GRIK2: variants seen among roughly 807,000 people sequenced by gnomAD.
The protein encoded by GRIK2 is glutamate receptor ionotropic, kainate 2.
A neutral mutation model predicts 100.3 loss-of-function variants in GRIK2; 32 were observed. That is an observed-to-expected ratio of 0.32 (90% CI 0.24 to 0.43). GRIK2 has a LOEUF of 0.43. GRIK2 is among the 20% of genes least tolerant of loss of function. The probability of loss-of-function intolerance (pLI) is 1.00; values close to 1 mark genes in which losing one functional copy is unlikely to be tolerated. For synonymous variants in GRIK2, 417 were observed against 389.4 expected (o/e 1.07, Z -0.83); for missense variants, 843 against 1,114.9 (o/e 0.76, Z 3.47).
At chr6:101,876,550 C>T (rs1785863085) in intron 11 of GRIK2, among the ~76,000 whole-genome samples, 1 of 151,156 alleles carries the variant, frequency 6.6e-6, no homozygotes, top group Admixed American at 6.6e-5. Context: ...CATTCAGGGC[C>T]CACTTATTCT....
chr6:101,483,510 T>C (rs974213642), intron 2 of GRIK2, among the ~76,000 whole-genome samples: 1 of 152,196 alleles, frequency 6.6e-6, no homozygotes, highest in Non-Finnish European at 1.5e-5. Flanking sequence ...TTAAAACTTA[T>C]CTAACTGAAA....
intron 2 of GRIK2, among the ~76,000 whole-genome samples, chr6:101,566,928 C>A (rs1777305277): frequency 6.7e-6 from 1 of 149,786 alleles, no homozygotes. Context: ...CATACATTTT[C>A]TATAATAGAC....
At chr6:101,916,844 T>C (rs1168286082) in intron 12 of GRIK2, among the ~76,000 whole-genome samples, 1 of 151,684 alleles carries the variant, frequency 6.6e-6, no homozygotes, top group Non-Finnish European at 1.5e-5. Context: ...CAATAGTTTA[T>C]TATTTAAATT....
At chr6:101,699,082 T>C (rs1562318863) in intron 7 of GRIK2, among the ~76,000 whole-genome samples, 1 of 152,138 alleles carries the variant, frequency 6.6e-6, no homozygotes, top group South Asian at 2.1e-4. Context: ...TCAGCACATA[T>C]GTACTCTATT....
At position 101,783,942 on chromosome 6, in the gene GRIK2, G is replaced by A. The variant is rs140865014; in HGVS notation, c.952-15706G>A. On this transcript the variant is annotated intron_variant, in intron 7 of 16. Coordinates refer to ENST00000369134, the MANE Select transcript of GRIK2 (RefSeq NM_021956.5). ...ATTCAGTTATATACATTCACAAATA[G>A]ATGGTTTGAAATTGGATCTTATGTT... is the stretch of plus-strand genomic sequence containing the variant. 8.5e-5 allele frequency among the ~76,000 whole-genome samples: 13 copies of A among 152,320 alleles called. No individual in the cohort carries two copies. In the East Asian group the frequency reaches 2.3e-3, roughly 27 times the overall value.
chr6:101,904,694 A>T (rs1430512645), intron 12 of GRIK2, among the ~76,000 whole-genome samples: 2 of 151,554 alleles, frequency 1.3e-5, no homozygotes, highest in African/African-American at 4.8e-5. Flanking sequence ...CTGTCAAATC[A>T]TAATTTGGAA....
At chr6:102,041,946 C>A (rs1562132767) in intron 15 of GRIK2, among the ~76,000 whole-genome samples, 1 of 151,420 alleles carries the variant, frequency 6.6e-6, no homozygotes, top group Non-Finnish European at 1.5e-5. Context: ...ATTAGTATGA[C>A]CCACTGTTAA....
At chr6:101,752,555 T>C (rs1776859607) in intron 7 of GRIK2, among the ~76,000 whole-genome samples, 1 of 152,246 alleles carries the variant, frequency 6.6e-6, no homozygotes, top group East Asian at 1.9e-4. Flanking sequence ...AGAGTTTATT[T>C]TGATAATTCC....
intron 8 of GRIK2, among the ~76,000 whole-genome samples, chr6:101,800,381 C>T (rs943239076): frequency 2.0e-5 from 3 of 151,734 alleles, no homozygotes; most frequent in African/African-American, 7.2e-5. Flanking sequence ...TACATACATA[C>T]ATATATACAT....
In GRIK2 at chr6:102,068,484, G is replaced by T; in HGVS notation, c.2700G>T (p.Arg900Ser). Reference sequence around the variant, plus strand: ...ACATGCACACATTTAACGACAGAAGGTTGCCAGGTAAAGAAACCATGGCAT... The same window carrying T: ...ACATGCACACATTTAACGACAGAAGTTTGCCAGGTAAAGAAACCATGGCAT... ...VINMHTFNDR[R>S]LPGKETMA Residue 900 changes from arginine (R) to serine (S), a missense_variant, in exon 17 of 17, where the codon AGG becomes AGT. By Grantham distance (110) the Arg-to-Ser change is moderately radical. Coordinates refer to ENST00000369134, the MANE Select transcript of GRIK2 (RefSeq NM_021956.5). The T allele has an allele frequency of 6.2e-7, 1 of 1,611,618 alleles. No individual in the cohort carries two copies. Among genetic ancestry groups the T allele is most frequent in the Non-Finnish European group, 8.5e-7 (1 of 1,178,476 alleles).
chr6:101,989,648 CT>C (rs1364066345), intron 14 of GRIK2, among the ~76,000 whole-genome samples: 1 of 151,384 alleles, frequency 6.6e-6, no homozygotes, highest in Non-Finnish European at 1.5e-5. Context: ...ACTCACAGAC[CT>C]TTATTTATTA....
At chr6:101,899,050 TC>T (rs2128460860) in intron 12 of GRIK2, among the ~76,000 whole-genome samples, 1 of 151,398 alleles carries the variant, frequency 6.6e-6, no homozygotes, top group South Asian at 2.1e-4. Context: ...TTCATATCAA[TC>T]CTGTTGGGTA....
chr6:101,494,473 A>G (rs914692705), intron 2 of GRIK2, among the ~76,000 whole-genome samples: 2 of 152,022 alleles, frequency 1.3e-5, no homozygotes, highest in African/African-American at 4.8e-5. Context: ...AGTATATTAG[A>G]ACACTTGAAG....
At chr6:101,663,545 A>G (rs1166546847) in intron 4 of GRIK2, among the ~76,000 whole-genome samples, 1 of 152,202 alleles carries the variant, frequency 6.6e-6, no homozygotes, top group Non-Finnish European at 1.5e-5. Flanking sequence ...AGAAATATAC[A>G]GGATGCTTCT....
At chr6:101,668,063 A>AGG (rs1218180157) in intron 4 of GRIK2, among the ~76,000 whole-genome samples, 1 of 152,206 alleles carries the variant, frequency 6.6e-6, no homozygotes, top group African/African-American at 2.4e-5. Context: ...GAAAATTTCA[A>AGG]AGAAAGAAGG....
intron 10 of GRIK2, among the ~76,000 whole-genome samples, chr6:101,830,693 T>C (rs1489430845): frequency 6.6e-6 from 1 of 150,490 alleles, no homozygotes; most frequent in Non-Finnish European, 1.5e-5. Flanking sequence ...ATGGCTATTA[T>C]TAAAAAAGTA....
intron 14 of GRIK2, among the ~76,000 whole-genome samples, chr6:101,960,632 C>T (rs1428709065): frequency 6.6e-6 from 1 of 152,070 alleles, no homozygotes; most frequent in African/African-American, 2.4e-5. Flanking sequence ...GTTATAAATA[C>T]AGTTCCTTTA....
At position 102,031,842 on chromosome 6, in the gene GRIK2, G is replaced by A. The variant is rs186113362; in HGVS notation, c.2086-3499G>A. ...TGTGTAGTATTCTATGGTGATACAC[G>A]TATTTTAAATAAAAGAGTAACTTGG... On this transcript the variant is annotated intron_variant, in intron 14 of 16. Transcript: ENST00000369134. Among the ~76,000 whole-genome samples the A allele has an allele frequency of 2.4e-3, 363 of 151,280 alleles. 11 individuals carry two copies. The highest frequency in any genetic ancestry group is 0.023 in the Admixed American group (342 of 15,110).
At chr6:101,983,780 C>T (rs1793855357) in intron 14 of GRIK2, among the ~76,000 whole-genome samples, 1 of 151,664 alleles carries the variant, frequency 6.6e-6, no homozygotes, top group African/African-American at 2.4e-5. Flanking sequence ...TAGGAATGTA[C>T]AGAAACCATG....
Sources: allele counts gnomAD v4.1 joint callset (sites outside exome capture counted in the v4.1 genomes callset), GRCh38; gene constraint gnomAD v4.1.1; transcripts MANE v1.5; gene names NCBI Gene and HGNC (gene_info 2026-07-23, HGNC 2026-07-21).